The following GYS2 variants were observed in gnomAD, a reference collection of about 807,000 sequenced individuals.
The protein encoded by GYS2 is glycogen [starch] synthase, liver.
In GYS2, 80 loss-of-function variants were observed where a neutral mutation model predicts 85.6. That is an observed-to-expected ratio of 0.93 (90% CI 0.78 to 1.13). The LOEUF (loss-of-function observed/expected upper bound fraction) is 1.13, where lower values mean the gene tolerates loss of function less well. GYS2 is among the 50% of genes most tolerant of loss of function. The pLI, the probability that GYS2 is intolerant of heterozygous loss-of-function variation, is 0.00. For missense variants in GYS2, 881 were observed against 854.9 expected, an observed-to-expected ratio of 1.03 and a Z score of -0.38; for synonymous variants, 328 against 300.7, an observed-to-expected ratio of 1.09 and a Z score of -0.94.
intron 14 of GYS2, among the ~76,000 whole-genome samples, chr12:21,539,614 A>G (rs546758997): frequency 1.3e-5 from 2 of 152,306 alleles, no homozygotes; most frequent in Admixed American, 1.3e-4. Flanking sequence ...GTGACTGAAA[A>G]CACTGGTTTC....
Position 21,544,550 on chromosome 12 carries a change from G to A in GYS2, c.1549+1794C>T, listed in dbSNP as rs35801251. On this transcript the variant is annotated intron_variant, in intron 12 of 15. Coordinates refer to ENST00000261195, the MANE Select transcript of GYS2 (RefSeq NM_021957.4). The stretch of plus-strand genomic sequence containing the variant: ...TCCATGATACTTCCAATAGTAAATT[G>A]TTTTACTAGAAATAATAAGAACAAG... Among the ~76,000 whole-genome samples the A allele has an allele frequency of 4.4e-3, 663 of 152,236 alleles. 4 individuals are homozygous for A. Among genetic ancestry groups the A allele is most frequent in the Admixed American group, 9.0e-3 (138 of 15,288 alleles).
intron 11 of GYS2, among the ~76,000 whole-genome samples, chr12:21,549,086 A>C (rs7485489): frequency 1.3e-5 from 2 of 152,014 alleles, no homozygotes; most frequent in South Asian, 4.1e-4. Flanking sequence ...AGCCATTACA[A>C]TGTGAGTGGC....
At chr12:21,591,571 G>A (rs574995866) in intron 1 of GYS2, among the ~76,000 whole-genome samples, 54 of 152,246 alleles carry the variant, frequency 3.5e-4, no homozygotes, top group East Asian at 1.7e-3. Flanking sequence ...GGAAACCTAC[G>A]TAACAACACA....
At chr12:21,598,489 C>T (rs1284662162) in intron 1 of GYS2, among the ~76,000 whole-genome samples, 1 of 151,860 alleles carries the variant, frequency 6.6e-6, no homozygotes, top group Non-Finnish European at 1.5e-5. Context: ...TTTTGTCCTC[C>T]CCATATTTTT....
intron 7 of GYS2, among the ~76,000 whole-genome samples, chr12:21,561,889 G>A (rs73085379): frequency 0.12 from 18,151 of 152,018 alleles, 1,251 homozygotes; most frequent in African/African-American, 0.16. Context: ...AAAAATTTAT[G>A]TCCAAGAAAT....
intron 1 of GYS2, among the ~76,000 whole-genome samples, chr12:21,595,958 T>C (rs1944691158): frequency 6.6e-6 from 1 of 152,120 alleles, no homozygotes; most frequent in South Asian, 2.1e-4. Context: ...AACAGTTATA[T>C]ACAGAACATT....
At chr12:21,540,915 T>G (rs961056927) in intron 13 of GYS2, among the ~76,000 whole-genome samples, 1 of 152,078 alleles carries the variant, frequency 6.6e-6, no homozygotes, top group Non-Finnish European at 1.5e-5. Context: ...GTGTTCCCAC[T>G]GTTCAGCCGA....
Position 21,563,469 on chromosome 12 carries a change from A to G in GYS2, c.824-124T>C, listed in dbSNP as rs940423255. ...TGACATTCTACTTTCTGACTACCAT[A>G]AAATTTAAAATTTATAAAACTTCCA... On this transcript the variant is annotated intron_variant, in intron 5 of 15. Transcript: ENST00000261195. 3.2e-5 allele frequency: 20 copies of G among 627,384 alleles called. No individual in the cohort carries two copies. In the South Asian group the frequency reaches 3.5e-4, roughly 11 times the overall value. The allele number at this position is 627,384 out of a possible 1,614,324, so 38.9% of individuals were successfully genotyped here.
chr12:21,558,147 G>A, intron 11 of GYS2, 53 bp downstream of exon 11: 1 of 1,069,986 alleles, frequency 9.3e-7, no homozygotes, highest in Non-Finnish European at 1.4e-6. Context: ...TAAATTCTCA[G>A]AAAATATATT....
intron 4 of GYS2, among the ~76,000 whole-genome samples, chr12:21,571,388 A>C (rs569158304): frequency 6.6e-6 from 1 of 152,326 alleles, no homozygotes; most frequent in East Asian, 1.9e-4. Context: ...CTTTCTGACA[A>C]TGGGTTTTTA....
chr12:21,577,541 C>A (rs753091115), intron 2 of GYS2, among the ~76,000 whole-genome samples: 2 of 152,218 alleles, frequency 1.3e-5, no homozygotes, highest in African/African-American at 2.4e-5. Context: ...TCTAACATTT[C>A]ATTTATTTGC....
Position 21,564,276 on chromosome 12 carries a change from C to T in GYS2, c.824-931G>A, listed in dbSNP as rs569990024. ...TGAAACCCCATCTCTACTAAAAATA[C>T]AAAAATTAGTCAGGCATGGTGGTGT... On this transcript the variant is annotated intron_variant, in intron 5 of 15. Coordinates refer to ENST00000261195, the MANE Select transcript of GYS2 (RefSeq NM_021957.4). 3.9e-5 allele frequency among the ~76,000 whole-genome samples: 6 copies of T among 152,158 alleles called. No homozygotes were observed. In the East Asian group the frequency reaches 1.2e-3, roughly 29 times the overall value.
intron 1 of GYS2, among the ~76,000 whole-genome samples, chr12:21,583,125 C>T (rs1442768988): frequency 6.6e-6 from 1 of 152,180 alleles, no homozygotes; most frequent in Non-Finnish European, 1.5e-5. Context: ...TGGTCCATTA[C>T]ATTGATGACA....
intron 1 of GYS2, among the ~76,000 whole-genome samples, chr12:21,582,957 T>A (rs1384114330): frequency 2.0e-5 from 3 of 152,184 alleles, no homozygotes; most frequent in Non-Finnish European, 4.4e-5. Context: ...ATGTGGAGAA[T>A]CAAGGAACAT....
intron 7 of GYS2, among the ~76,000 whole-genome samples, chr12:21,561,779 C>A (rs1944256004): frequency 6.6e-6 from 1 of 152,048 alleles, no homozygotes; most frequent in African/African-American, 2.4e-5. Flanking sequence ...GTCTTCAGTT[C>A]TGTTTTGCAT....
At chr12:21,571,920 C>CTACG (rs1219793089) in intron 4 of GYS2, among the ~76,000 whole-genome samples, 1 of 143,168 alleles carries the variant, frequency 7.0e-6, no homozygotes, top group African/African-American at 2.6e-5. Context: ...CGAGATCACG[C>CTACG]TACGGCACTC....
At chr12:21,558,074 C>G in intron 11 of GYS2, 126 bp downstream of exon 11, 1 of 698,210 alleles carries the variant, frequency 1.4e-6, no homozygotes. Context: ...GAAACTGAAC[C>G]CATTTTCCTT....
In GYS2 at chr12:21,575,944, A is replaced by G; in HGVS notation, c.417T>C (p.Ser139=). The G allele has an allele frequency of 6.2e-7, 1 of 1,613,944 alleles. No individual in the cohort carries two copies. Among genetic ancestry groups the G allele is most frequent in the Non-Finnish European group, 8.5e-7 (1 of 1,179,826 alleles). ...RWKGDLWEAC[S]VGIPYHDREA... ...CTCGGTCATGATAAGGAATGCCGACACTGCATGCTTCCCAGAGGTCACCCT... is the reference window on the plus strand; with the variant it reads ...CTCGGTCATGATAAGGAATGCCGACGCTGCATGCTTCCCAGAGGTCACCCT... The change falls in exon 3 of 16, where the codon AGT becomes AGC. Residue 139 remains serine (S), a synonymous_variant. Coordinates refer to ENST00000261195, the MANE Select transcript of GYS2 (RefSeq NM_021957.4).
chr12:21,574,496 G>A (rs1490034175), intron 3 of GYS2, among the ~76,000 whole-genome samples, 170 bp from the exon 4 acceptor site: 2 of 152,160 alleles, frequency 1.3e-5, no homozygotes, highest in Non-Finnish European at 2.9e-5. Flanking sequence ...TCAGTGGCAT[G>A]TTCATTAACC....
Sources: allele counts gnomAD v4.1 joint callset (sites outside exome capture counted in the v4.1 genomes callset), GRCh38; gene constraint gnomAD v4.1.1; transcripts MANE v1.5; gene names NCBI Gene and HGNC (gene_info 2026-07-23, HGNC 2026-07-21).